The following STK31 variants were observed in gnomAD, a reference collection of about 807,000 sequenced individuals.
STK31 encodes the protein serine/threonine kinase 31, also known as serine/threonine-protein kinase 31.
A neutral mutation model predicts 129.7 loss-of-function variants in STK31; 89 were observed. The ratio of observed to expected loss-of-function variants is 0.69; its 90% CI spans 0.58 to 0.82. The LOEUF (loss-of-function observed/expected upper bound fraction) is 0.82, where lower values mean the gene tolerates loss of function less well. Among genes scored for constraint, STK31 ranks in the 40% least tolerant of loss-of-function variants. The pLI, the probability that STK31 is intolerant of heterozygous loss-of-function variation, is 0.00. For synonymous variants in STK31, 448 were observed against 395.3 expected, an observed-to-expected ratio of 1.13 and a Z score of -1.58; for missense variants, 1,187 against 1,176.4, an observed-to-expected ratio of 1.01 and a Z score of -0.13.
rs1788615953 is a variant in STK31, at chr7:23,750,069, C to CG, written c.1018-2648_1018-2647insG. Among the ~76,000 whole-genome samples, 2 of 113,270 alleles carry CG rather than the reference C, an allele frequency of 1.8e-5. 1 individual carries two copies. The highest frequency in any genetic ancestry group is 6.0e-5 in the African/African-American group (2 of 33,070). 74.3% of individuals were successfully genotyped at this position (113,270 alleles called of 152,430 possible). On this transcript the variant is annotated intron_variant, in intron 8 of 23. Coordinates refer to ENST00000355870, the MANE Select transcript of STK31 (RefSeq NM_031414.5). ...GGGATATTTCAGAATGGTTTGTTTC[C>CG]CCCCCCGCCACTGCTGGAAACATGA...
chr7:23,771,955 T>G, intron 14 of STK31, 192 bp from the exon 15 acceptor site: 1 of 375,674 alleles, frequency 2.7e-6, no homozygotes, highest in Non-Finnish European at 4.7e-6. Flanking sequence ...GGAACTGATA[T>G]TCTTCTAAAT....
At chr7:23,737,793 A>G (rs781437668) in intron 8 of STK31, among the ~76,000 whole-genome samples, 1 of 152,026 alleles carries the variant, frequency 6.6e-6, no homozygotes, top group Non-Finnish European at 1.5e-5. Context: ...TATGGTAATC[A>G]CGTCTCCAGA....
intron 22 of STK31, among the ~76,000 whole-genome samples, chr7:23,810,060 A>G (rs965715447): frequency 1.3e-5 from 2 of 152,124 alleles, no homozygotes; most frequent in Admixed American, 1.3e-4. Context: ...TTTCAACTCT[A>G]TCTTGTGGTT....
Position 23,832,351 on chromosome 7 carries a change from C to T in STK31, c.3045C>T (p.Ala1015=). Residue 1015 remains alanine, a synonymous_variant, in exon 24 of 24, where the codon GCC becomes GCT. Transcript: ENST00000355870. ...KCMEKTRNGE[A]NFDC Reference sequence around the variant, plus strand: ...TGGAGAAGACAAGAAATGGTGAAGCCAACTTTGATTGTTAAATTATTATTG... The same window carrying T: ...TGGAGAAGACAAGAAATGGTGAAGCTAACTTTGATTGTTAAATTATTATTG... 6.2e-7 allele frequency: 1 copy of T among 1,608,058 alleles called. No homozygotes were observed. The highest frequency in any genetic ancestry group is 8.5e-7 in the Non-Finnish European group (1 of 1,178,538).
intron 23 of STK31, among the ~76,000 whole-genome samples, chr7:23,816,662 CA>C (rs1385534037): frequency 6.6e-6 from 1 of 152,210 alleles, no homozygotes; most frequent in African/African-American, 2.4e-5. Flanking sequence ...GCCCTGTTTC[CA>C]TCATGGCAGC....
At chr7:23,749,866 G>A (rs1474424276) in intron 8 of STK31, among the ~76,000 whole-genome samples, 1 of 152,028 alleles carries the variant, frequency 6.6e-6, no homozygotes, top group African/African-American at 2.4e-5. Context: ...GGGATAGGAT[G>A]GCTAGAGTAG....
chr7:23,733,459 T>C (rs1584349327), intron 6 of STK31, among the ~76,000 whole-genome samples: 1 of 151,384 alleles, frequency 6.6e-6, no homozygotes, highest in South Asian at 2.1e-4. Flanking sequence ...TGAGTCTCCT[T>C]CTCTGCCCCT....
rs745728553 is a variant in STK31, at chr7:23,754,407, A to G, written c.1226A>G (p.Asn409Ser). The G allele has an allele frequency of 4.5e-5, 73 of 1,614,046 alleles. No individual in the cohort carries two copies. Among genetic ancestry groups the G allele is most frequent in the Non-Finnish European group, 6.2e-5 (73 of 1,179,942 alleles). ...TGCTTTACTACTCCAGCTTCTTTGA[A>G]TGGATTAGAGATAATATGGGCAGAA... The part of the protein sequence containing the change: ...EGCFTTPASL[N>S]GLEIIWAEYS... The change falls in exon 10 of 24, where the codon AAT becomes AGT. Residue 409 changes from asparagine to serine, a missense_variant. By Grantham distance (46) the Asn-to-Ser change is conservative. Transcript: ENST00000355870.
intron 10 of STK31, among the ~76,000 whole-genome samples, chr7:23,759,488 C>A (rs4566942): frequency 0.52 from 78,439 of 152,040 alleles, 20,510 homozygotes; most frequent in East Asian, 0.62. Context: ...TCTAGAAAGA[C>A]AAGGAACTGG....
intron 16 of STK31, among the ~76,000 whole-genome samples, chr7:23,783,317 C>CTG (rs1791049094): frequency 6.6e-6 from 1 of 152,180 alleles, no homozygotes; most frequent in African/African-American, 2.4e-5. Context: ...TCTCGTCTGC[C>CTG]TGTTAAGCTA....
In STK31 at chr7:23,828,492, C is replaced by T. The variant is rs569062284; in HGVS notation, c.2830-3644C>T. Among the ~76,000 whole-genome samples the T allele has an allele frequency of 2.5e-3, 374 of 152,342 alleles. 3 individuals carry two copies. Among genetic ancestry groups the T allele is most frequent in the African/African-American group, 8.6e-3 (359 of 41,576 alleles). ...ACCCGATTTTCCAGGTGCCATCTGT[C>T]GCCCCTTTCTTTGACTAGGAAAGGG... On this transcript the variant is annotated intron_variant, in intron 23 of 23. Transcript: ENST00000355870.
At chr7:23,754,255 T>G (rs1437305019) in intron 9 of STK31, 60 bp from the exon 10 acceptor site, 1 of 1,563,664 alleles carries the variant, frequency 6.4e-7, no homozygotes, top group Non-Finnish European at 8.7e-7. Context: ...AAGTGTAACT[T>G]TTTCTCACAC....
chr7:23,827,896 C>A (rs540552768), intron 23 of STK31, among the ~76,000 whole-genome samples: 1 of 152,314 alleles, frequency 6.6e-6, no homozygotes, highest in African/African-American at 2.4e-5. Flanking sequence ...GCAGTGGTGG[C>A]TGCAGAACAG....
chr7:23,813,090 T>TTA (rs1793250806), intron 22 of STK31, among the ~76,000 whole-genome samples: 4 of 148,204 alleles, frequency 2.7e-5, no homozygotes, highest in Admixed American at 6.7e-5. Context: ...TTTTTTTTTT[T>TTA]TTTTTTTTGT....
At chr7:23,802,114 T>A (rs1792411441) in intron 22 of STK31, among the ~76,000 whole-genome samples, 1 of 152,132 alleles carries the variant, frequency 6.6e-6, no homozygotes, top group South Asian at 2.1e-4. Flanking sequence ...GTCAGGCGCG[T>A]AAGTTTATTG....
At chr7:23,780,602 A>G (rs1790863814) in intron 15 of STK31, among the ~76,000 whole-genome samples, 1 of 152,196 alleles carries the variant, frequency 6.6e-6, no homozygotes, top group Non-Finnish European at 1.5e-5. Context: ...AATAGTCACT[A>G]GCTCAGTGAA....
chr7:23,807,963 A>G (rs1168289557), intron 22 of STK31, among the ~76,000 whole-genome samples: 1 of 151,512 alleles, frequency 6.6e-6, no homozygotes, highest in African/African-American at 2.4e-5. Flanking sequence ...TAATTGCTCT[A>G]TGCAGCATTT....
intron 15 of STK31, among the ~76,000 whole-genome samples, 160 bp from the exon 16 acceptor site, chr7:23,781,259 A>C (rs1668836863): frequency 6.6e-6 from 1 of 152,190 alleles, no homozygotes; most frequent in Non-Finnish European, 1.5e-5. Context: ...GAATAAATTG[A>C]CCTAAGTTAA....
At chr7:23,741,406 T>C (rs1281940606) in intron 8 of STK31, among the ~76,000 whole-genome samples, 1 of 152,212 alleles carries the variant, frequency 6.6e-6, no homozygotes, top group Non-Finnish European at 1.5e-5. Flanking sequence ...TATTGAGATA[T>C]CATTTACATA....
Sources: allele counts gnomAD v4.1 joint callset (sites outside exome capture counted in the v4.1 genomes callset), GRCh38; gene constraint gnomAD v4.1.1; transcripts MANE v1.5; gene names NCBI Gene and HGNC (gene_info 2026-07-23, HGNC 2026-07-21).